SNTG1: variants seen among roughly 807,000 people sequenced by gnomAD.
SNTG1 encodes the protein gamma-1-syntrophin.
In SNTG1, 39 loss-of-function variants were observed where a neutral mutation model predicts 74.7. That is an observed-to-expected ratio of 0.52 (90% CI 0.40 to 0.68). The LOEUF (loss-of-function observed/expected upper bound fraction) is 0.68, where lower values mean the gene tolerates loss of function less well. SNTG1 is among the 30% of genes least tolerant of loss of function. The pLI is 0.00. For missense variants in SNTG1, 685 were observed against 609.5 expected (o/e 1.12, Z -1.30); for synonymous variants, 254 against 217.1 (o/e 1.17, Z -1.49).
At chr8:50,096,066 C>T (rs1021218706) in intron 1 of SNTG1, among the ~76,000 whole-genome samples, 1 of 152,032 alleles carries the variant, frequency 6.6e-6, no homozygotes, top group Non-Finnish European at 1.5e-5. Context: ...GGAAATTGCA[C>T]TGTAATATAT....
chr8:49,955,664 C>T (rs962273332), intron 1 of SNTG1, among the ~76,000 whole-genome samples: 2 of 152,172 alleles, frequency 1.3e-5, no homozygotes, highest in Admixed American at 6.5e-5. Flanking sequence ...GGGAGGAGTT[C>T]CCAATATTCG....
chr8:50,580,791 C>T (rs924016502), intron 12 of SNTG1, among the ~76,000 whole-genome samples: 1 of 152,136 alleles, frequency 6.6e-6, no homozygotes, highest in South Asian at 2.1e-4. Flanking sequence ...ATAAATTACC[C>T]AGTCTTGGGT....
At chr8:50,032,307 GT>G (rs908857378) in intron 1 of SNTG1, among the ~76,000 whole-genome samples, 1 of 150,936 alleles carries the variant, frequency 6.6e-6, no homozygotes, top group Non-Finnish European at 1.5e-5. Context: ...GCTTATTATT[GT>G]TTATTTCTTT....
chr8:50,263,554 A>T (rs2087304548), intron 2 of SNTG1, among the ~76,000 whole-genome samples: 1 of 152,180 alleles, frequency 6.6e-6, no homozygotes, highest in East Asian at 1.9e-4. Context: ...TGATCTTAAG[A>T]TAGCTGGTGT....
chr8:50,630,494 C>A (rs186215636), intron 13 of SNTG1, among the ~76,000 whole-genome samples: 1 of 152,156 alleles, frequency 6.6e-6, no homozygotes, highest in Non-Finnish European at 1.5e-5. Flanking sequence ...TTGAGCTATA[C>A]TTTGTCTTTT....
At chr8:50,136,445 A>G (rs1052314274) in intron 1 of SNTG1, among the ~76,000 whole-genome samples, 2 of 152,122 alleles carry the variant, frequency 1.3e-5, no homozygotes, top group Admixed American at 1.3e-4. Flanking sequence ...AGTAATAGCC[A>G]TTCTGACTGG....
rs149851541 is a variant in SNTG1 at position 50,016,111 on chromosome 8, G to A, written c.-103+103880G>A. Among the ~76,000 whole-genome samples, 65 of 152,136 alleles carry A rather than the reference G, an allele frequency of 4.3e-4. No individual in the cohort carries two copies. The East Asian group carries it at 7.5e-3, about 18-fold the overall frequency. Reference sequence around the variant, plus strand: ...TCAGAAAGCTGTAGTGGATCAGACCGTCAGCAGACTACCAAACAGTGACCA... The same window carrying A: ...TCAGAAAGCTGTAGTGGATCAGACCATCAGCAGACTACCAAACAGTGACCA... On this transcript the variant is annotated intron_variant, in intron 1 of 18. Coordinates refer to ENST00000642720, the MANE Select transcript of SNTG1 (RefSeq NM_018967.5).
intron 1 of SNTG1, among the ~76,000 whole-genome samples, chr8:50,069,340 GCTTTTCTATT>G (rs1227081305): frequency 6.6e-6 from 1 of 152,022 alleles, no homozygotes; most frequent in African/African-American, 2.4e-5. Context: ...GCAAATCAAG[GCTTTTCTATT>G]CTAGAATGCT....
At position 49,944,148 on chromosome 8, in the gene SNTG1, T is replaced by TCCAAGTACCAAGTA. The variant is rs939248850; in HGVS notation, c.-103+31930_-103+31931insACCAAGTACCAAGT. 3.9e-5 allele frequency among the ~76,000 whole-genome samples: 6 copies of TCCAAGTACCAAGTA among 152,248 alleles called. No homozygotes were observed. The South Asian group carries it at 1.2e-3, about 32-fold the overall frequency. On this transcript the variant is annotated intron_variant, in intron 1 of 18. Transcript: ENST00000642720. ...ACCTCTTGATTCTGGTGTGATAGGA[T>TCCAAGTACCAAGTA]CCAAGTACCAAGTCTTTGAAAGGTC... is the stretch of plus-strand genomic sequence containing the variant.
At chr8:50,534,518 C>A (rs542666208) in intron 10 of SNTG1, among the ~76,000 whole-genome samples, 56 of 152,256 alleles carry the variant, frequency 3.7e-4, no homozygotes, top group African/African-American at 1.3e-3. Context: ...TCTTGTCTCA[C>A]GCCTGCAATC....
chr8:50,639,744 G>T (rs1563680457), intron 13 of SNTG1, among the ~76,000 whole-genome samples: 1 of 151,988 alleles, frequency 6.6e-6, no homozygotes, highest in Non-Finnish European at 1.5e-5. Context: ...AAACTGAAAT[G>T]TGTAACAATT....
chr8:50,280,463 G>A (rs979239187), intron 2 of SNTG1, among the ~76,000 whole-genome samples: 1 of 152,104 alleles, frequency 6.6e-6, no homozygotes, highest in Admixed American at 6.5e-5. Context: ...TATTTAAAGA[G>A]GTTTATTCTG....
At chr8:50,145,115 G>A (rs1403263212) in intron 1 of SNTG1, among the ~76,000 whole-genome samples, 1 of 152,164 alleles carries the variant, frequency 6.6e-6, no homozygotes, top group Non-Finnish European at 1.5e-5. Context: ...GCCAACCATA[G>A]GGAGGATGCC....
chr8:50,159,651 T>C (rs1358471481), intron 1 of SNTG1, among the ~76,000 whole-genome samples: 1 of 152,182 alleles, frequency 6.6e-6, no homozygotes, highest in African/African-American at 2.4e-5. Context: ...GGAAATAAAA[T>C]AGTAGTCATT....
At chr8:50,536,254 CTT>C (rs2094306416) in intron 10 of SNTG1, among the ~76,000 whole-genome samples, 1 of 152,162 alleles carries the variant, frequency 6.6e-6, no homozygotes, top group African/African-American at 2.4e-5. Context: ...ATTAAAAACA[CTT>C]ATGATTGTGC....
At chr8:50,767,763 T>C (rs2095617407) in intron 18 of SNTG1, among the ~76,000 whole-genome samples, 1 of 151,984 alleles carries the variant, frequency 6.6e-6, no homozygotes, top group Admixed American at 6.6e-5. Context: ...AATACTTTTC[T>C]TTACTGCCTC....
intron 1 of SNTG1, among the ~76,000 whole-genome samples, chr8:50,158,068 A>G (rs1563674008): frequency 6.6e-6 from 1 of 152,060 alleles, no homozygotes; most frequent in Non-Finnish European, 1.5e-5. Flanking sequence ...TGGGTGGCAA[A>G]TTCCATGATC....
intron 1 of SNTG1, among the ~76,000 whole-genome samples, chr8:49,917,125 T>C (rs1806116390): frequency 6.6e-6 from 1 of 152,092 alleles, no homozygotes; most frequent in Non-Finnish European, 1.5e-5. Context: ...AAAAGAGTAT[T>C]TTATGGTTAA....
Position 50,794,079 on chromosome 8 carries a change from A to G in SNTG1, c.*1250A>G, listed in dbSNP as rs2095698719. On this transcript the variant is annotated 3_prime_UTR_variant, in exon 19 of 19. Coordinates refer to ENST00000642720, the MANE Select transcript of SNTG1 (RefSeq NM_018967.5). ...TGGAACACAGTCTCTGTCCTTCAGT[A>G]CAGCTTTTTTGAGATATTTTAAAAA... 6.6e-6 allele frequency: 1 copy of G among 151,734 alleles called. No homozygotes were observed. The allele number at this position is 151,734 out of a possible 1,614,324, so 9.4% of individuals were successfully genotyped here.
Sources: gnomAD v4.1 joint callset for allele counts (sites outside exome capture counted in the v4.1 genomes callset) on GRCh38, gnomAD v4.1.1 for gene constraint, MANE v1.5 for transcripts, NCBI Gene and HGNC (gene_info 2026-07-23, HGNC 2026-07-21) for gene names.